The following SMARCAD1 variants were observed in gnomAD, a reference collection of about 807,000 sequenced individuals.
The protein encoded by SMARCAD1 is SWI/SNF-related matrix-associated actin-dependent regulator of chromatin subfamily A containing DEAD/H box 1.
A neutral mutation model predicts 127.1 loss-of-function variants in SMARCAD1; 25 were observed. The observed-to-expected ratio is 0.20, with a 90% CI of 0.14 to 0.27. The LOEUF is 0.27. Ranked by LOEUF, SMARCAD1 falls within the 10% of genes least tolerant of loss-of-function variation. The pLI is 1.00. For missense variants in SMARCAD1, 807 were observed against 1,206.0 expected (o/e 0.67, Z 4.90); for synonymous variants, 400 against 396.9 (o/e 1.01, Z -0.09).
chr4:94,265,543 T>C (rs1473251124), intron 10 of SMARCAD1, among the ~76,000 whole-genome samples: 3 of 151,808 alleles, frequency 2.0e-5, no homozygotes, highest in Non-Finnish European at 4.4e-5. Context: ...CAGTACATAT[T>C]AAAGTGGTTT....
chr4:94,268,725 G>A (rs1455626639), intron 10 of SMARCAD1, among the ~76,000 whole-genome samples: 5 of 152,126 alleles, frequency 3.3e-5, no homozygotes, highest in Admixed American at 1.3e-4. Flanking sequence ...TAACTTCTGT[G>A]AGCCGCAGTG....
chr4:94,256,951 A>T (rs1335020826), intron 9 of SMARCAD1, among the ~76,000 whole-genome samples: 2 of 152,184 alleles, frequency 1.3e-5, no homozygotes, highest in Admixed American at 1.3e-4. Flanking sequence ...TGGGGATTTA[A>T]TGATTTGAAA....
chr4:94,275,494 C>A (rs1753124755), intron 14 of SMARCAD1, among the ~76,000 whole-genome samples: 1 of 152,072 alleles, frequency 6.6e-6, no homozygotes, highest in Non-Finnish European at 1.5e-5. Flanking sequence ...GTTATTATTT[C>A]TCTCTACTGG....
At chr4:94,208,319 T>A in intron 1 of SMARCAD1, 27 bp from the exon 2 acceptor site, 1 of 1,498,526 alleles carries the variant, frequency 6.7e-7, no homozygotes, top group Non-Finnish European at 9.3e-7. Context: ...CATGGCCTTT[T>A]TTCCTCTCTT....
At chr4:94,232,740 C>T (rs564300923) in intron 3 of SMARCAD1, among the ~76,000 whole-genome samples, 1 of 152,218 alleles carries the variant, frequency 6.6e-6, no homozygotes, top group Non-Finnish European at 1.5e-5. Flanking sequence ...ATCGCTTGAG[C>T]CTAGGAGTTC....
rs1240197700 is a variant in SMARCAD1 at position 94,290,647 on chromosome 4, G to C, written c.*1113G>C. 3 of 454,010 alleles carry C rather than the reference G, an allele frequency of 6.6e-6. No individual in the cohort carries two copies. The highest frequency in any genetic ancestry group is 1.3e-5 in the Non-Finnish European group (3 of 226,662). The allele number at this position is 454,010 out of a possible 1,614,324, so 28.1% of individuals were successfully genotyped here. On this transcript the variant is annotated 3_prime_UTR_variant, in exon 24 of 24. Transcript: ENST00000354268. The stretch of plus-strand genomic sequence containing the variant: ...GTGAGTGACAAAGTGAAATTTAGAA[G>C]TGAAGTTGTCTATTTGATATTTAAC...
Position 94,291,265 on chromosome 4 carries a change from G to T in SMARCAD1, c.*1731G>T, listed in dbSNP as rs1478974235. The stretch of plus-strand genomic sequence containing the variant: ...TCCTGTAATGCGCTATTATGTCTTG[G>T]GCTTAATAAAAATATTTGTGATCAT... On this transcript the variant is annotated 3_prime_UTR_variant, in exon 24 of 24. Coordinates refer to ENST00000354268, the MANE Select transcript of SMARCAD1 (RefSeq NM_020159.5). 2.2e-6 allele frequency: 1 copy of T among 449,130 alleles called. No homozygotes were observed. The allele number at this position is 449,130 out of a possible 1,614,324, so 27.8% of individuals were successfully genotyped here. A position where few individuals can be genotyped will look rare whatever the true frequency, so the allele number is the denominator to read the frequency against.
rs1197841385 is a variant in SMARCAD1 at position 94,272,676 on chromosome 4, T to G, written c.1573-941T>G. ...GTGTTCTTATATGTATCAGTAATTT[T>G]TTTGTTTCTGTTTTTGTTTTTTTAA... On this transcript the variant is annotated intron_variant, in intron 11 of 23. Transcript: ENST00000354268. Among the ~76,000 whole-genome samples, 64 of 152,232 alleles carry G rather than the reference T, an allele frequency of 4.2e-4. 1 individual carries two copies. Among genetic ancestry groups the G allele is most frequent in the Admixed American group, 4.1e-3 (63 of 15,284 alleles).
chr4:94,278,101 A>AT (rs539012664), intron 16 of SMARCAD1, among the ~76,000 whole-genome samples: 10 of 152,188 alleles, frequency 6.6e-5, no homozygotes, highest in Non-Finnish European at 1.2e-4. Context: ...ACTTAGACAC[A>AT]TTTTTCAATG....
intron 7 of SMARCAD1, 64 bp downstream of exon 7, chr4:94,249,819 T>G (rs1749006411): frequency 1.1e-6 from 1 of 941,024 alleles, no homozygotes; most frequent in Non-Finnish European, 1.8e-6. Context: ...AAAATAGTGT[T>G]AAGAGTTCAA....
intron 19 of SMARCAD1, among the ~76,000 whole-genome samples, chr4:94,279,457 G>A (rs78530657): frequency 7.3e-4 from 111 of 152,308 alleles, no homozygotes; most frequent in Non-Finnish European, 1.1e-3. Context: ...ACACATTTTA[G>A]ACTAAGTTCA....
intron 3 of SMARCAD1, among the ~76,000 whole-genome samples, chr4:94,231,537 A>C (rs572559691): frequency 1.3e-5 from 2 of 152,302 alleles, no homozygotes; most frequent in African/African-American, 4.8e-5. Context: ...TTCCACCTAG[A>C]TTTAACAGTT....
intron 22 of SMARCAD1, among the ~76,000 whole-genome samples, chr4:94,283,559 C>T (rs112637945): frequency 1.3e-5 from 2 of 152,238 alleles, no homozygotes; most frequent in African/African-American, 2.4e-5. Context: ...GGCGCCGTGG[C>T]TCACGCCTGT....
chr4:94,234,264 C>T (rs1481724535), intron 4 of SMARCAD1, 142 bp downstream of exon 4: 2 of 770,866 alleles, frequency 2.6e-6, no homozygotes, highest in East Asian at 2.7e-5. Flanking sequence ...GAAGTAAATG[C>T]CAGACATTTA....
At chr4:94,233,021 G>A (rs1453047227) in intron 3 of SMARCAD1, among the ~76,000 whole-genome samples, 1 of 152,110 alleles carries the variant, frequency 6.6e-6, no homozygotes, top group Non-Finnish European at 1.5e-5. Context: ...TTGGAAATTT[G>A]CTTTTAGATG....
chr4:94,222,067 G>C (rs891923321), intron 2 of SMARCAD1, among the ~76,000 whole-genome samples: 2 of 152,134 alleles, frequency 1.3e-5, no homozygotes, highest in African/African-American at 4.8e-5. Flanking sequence ...CTCAGTCACT[G>C]GTGATAAGGG....
chr4:94,233,903 A>G, intron 3 of SMARCAD1, 51 bp from the exon 4 acceptor site: 2 of 1,563,680 alleles, frequency 1.3e-6, no homozygotes, highest in Non-Finnish European at 1.8e-6. Flanking sequence ...TAATGAAATA[A>G]CATTAGTAAT....
chr4:94,271,723 T>C (rs1752564031), intron 11 of SMARCAD1, among the ~76,000 whole-genome samples: 3 of 152,212 alleles, frequency 2.0e-5, no homozygotes, highest in Admixed American at 1.3e-4. Context: ...ATTTCAGTTG[T>C]GTGACTGCAC....
rs1741617719 is a variant in SMARCAD1, at chr4:94,208,458, G to A, written c.64G>A (p.Glu22Lys). Residue 22 changes from glutamate (E) to lysine (K), a missense_variant, in exon 2 of 24, where the codon GAA becomes AAA. Glu to Lys is a moderately conservative substitution (Grantham distance 56). This residue lies in a region of SMARCAD1 where 175 missense variants were observed against 169.5 expected (regional missense o/e 1.03). Coordinates refer to ENST00000354268, the MANE Select transcript of SMARCAD1 (RefSeq NM_020159.5). ...AAGGAATAAGATTGAGGAAGCGCCC[G>A]AAGCAACCCCTCAACCTTCCCAGCC... is the stretch of plus-strand genomic sequence containing the variant. ...EKRNKIEEAP[E>K]ATPQPSQPGP... 6.2e-7 allele frequency: 1 copy of A among 1,613,982 alleles called. No homozygotes were observed. Among genetic ancestry groups the A allele is most frequent in the African/African-American group, 1.3e-5 (1 of 74,902 alleles).
Sources: gnomAD v4.1 joint callset for allele counts (sites outside exome capture counted in the v4.1 genomes callset) on GRCh38, gnomAD v4.1.1 for gene constraint, gnomAD v4.1.1 regional missense constraint, MANE v1.5 for transcripts, NCBI Gene and HGNC (gene_info 2026-07-23, HGNC 2026-07-21) for gene names.